The following SUPT3H variants were observed in gnomAD, a reference collection of about 807,000 sequenced individuals.
SUPT3H encodes the protein SPT3 homolog, SAGA and STAGA complex component, also known as transcription initiation protein SPT3 homolog.
A neutral mutation model predicts 44.3 loss-of-function variants in SUPT3H; 44 were observed. That is an observed-to-expected ratio of 0.99 (90% CI 0.78 to 1.28). The LOEUF (loss-of-function observed/expected upper bound fraction) is 1.28, where lower values mean the gene tolerates loss of function less well. SUPT3H is among the 50% of genes most tolerant of loss of function. The probability of loss-of-function intolerance (pLI) is 0.00; values close to 1 mark genes in which losing one functional copy is unlikely to be tolerated. For missense variants in SUPT3H, 380 were observed against 387.1 expected, an observed-to-expected ratio of 0.98 and a Z score of 0.15; for synonymous variants, 124 against 125.6, an observed-to-expected ratio of 0.99 and a Z score of 0.09.
At chr6:44,846,971 C>A (rs1479046090) in intron 10 of SUPT3H, among the ~76,000 whole-genome samples, 1 of 152,154 alleles carries the variant, frequency 6.6e-6, no homozygotes, top group Non-Finnish European at 1.5e-5. Flanking sequence ...ATTTCCACAT[C>A]AGGGATGGAG....
intron 2 of SUPT3H, among the ~76,000 whole-genome samples, chr6:45,218,638 G>A (rs1484806853): frequency 2.0e-5 from 3 of 152,228 alleles, no homozygotes; most frequent in Non-Finnish European, 4.4e-5. Flanking sequence ...GGAAGCTGAG[G>A]CAGGAGAATC....
intron 6 of SUPT3H, among the ~76,000 whole-genome samples, chr6:44,968,753 C>T (rs1471134771): frequency 1.3e-5 from 2 of 152,094 alleles, no homozygotes; most frequent in Non-Finnish European, 2.9e-5. Context: ...CTGTAGTAGG[C>T]TGTCCTGTGT....
intron 2 of SUPT3H, among the ~76,000 whole-genome samples, chr6:45,241,720 G>A (rs535664832): frequency 1.3e-5 from 2 of 152,206 alleles, no homozygotes; most frequent in South Asian, 2.1e-4. Flanking sequence ...GGTCATCAGT[G>A]AGAAAAGAGG....
intron 2 of SUPT3H, among the ~76,000 whole-genome samples, chr6:45,171,770 T>C (rs575154897): frequency 8.2e-6 from 1 of 121,748 alleles, no homozygotes; most frequent in East Asian, 2.6e-4. Flanking sequence ...CAGGCTGGAG[T>C]GCAGTGGTGT....
At chr6:44,936,446 T>C (rs906149719) in intron 9 of SUPT3H, among the ~76,000 whole-genome samples, 11 of 152,268 alleles carry the variant, frequency 7.2e-5, no homozygotes, top group African/African-American at 2.6e-4. Flanking sequence ...ATTTCTTGAG[T>C]AACATAGTTA....
At chr6:44,830,648 G>A (rs1025672294) in intron 10 of SUPT3H, among the ~76,000 whole-genome samples, 5 of 152,152 alleles carry the variant, frequency 3.3e-5, no homozygotes, top group African/African-American at 1.2e-4. Context: ...AAGACCCAGA[G>A]GGGAGCAGAA....
intron 7 of SUPT3H, among the ~76,000 whole-genome samples, chr6:44,954,938 TACA>T (rs1210799801): frequency 4.6e-5 from 7 of 152,352 alleles, no homozygotes; most frequent in African/African-American, 1.2e-4. Context: ...CCGCTCATGT[TACA>T]ACAAGAAGTC....
intron 10 of SUPT3H, among the ~76,000 whole-genome samples, chr6:44,901,383 C>T (rs1347007064): frequency 2.0e-5 from 3 of 152,142 alleles, no homozygotes; most frequent in Admixed American, 2.0e-4. Context: ...AATGCACAAG[C>T]CTCAGTAGCC....
intron 2 of SUPT3H, among the ~76,000 whole-genome samples, chr6:45,310,192 G>A (rs1047618535): frequency 3.3e-5 from 5 of 152,076 alleles, no homozygotes; most frequent in Admixed American, 6.5e-5. Context: ...TGCATGACTC[G>A]GCAGAGGCAG....
chr6:44,888,628 A>G (rs538523590), intron 10 of SUPT3H, among the ~76,000 whole-genome samples: 253 of 152,264 alleles, frequency 1.7e-3, no homozygotes, highest in Non-Finnish European at 3.1e-3. Flanking sequence ...AAATAACAAG[A>G]GCTATCTATG....
At chr6:44,891,185 T>C (rs1763259537) in intron 10 of SUPT3H, among the ~76,000 whole-genome samples, 1 of 152,088 alleles carries the variant, frequency 6.6e-6, no homozygotes, top group Non-Finnish European at 1.5e-5. Flanking sequence ...AATAAAATGG[T>C]ACAGCTGCTG....
chr6:45,015,818 C>CAT (rs1205990585), intron 4 of SUPT3H, among the ~76,000 whole-genome samples: 1 of 151,636 alleles, frequency 6.6e-6, no homozygotes, highest in African/African-American at 2.4e-5. Context: ...CACACACACA[C>CAT]GCCTATGCCT....
intron 6 of SUPT3H, among the ~76,000 whole-genome samples, chr6:44,989,845 GGTT>G (rs1452442663): frequency 1.3e-5 from 2 of 151,588 alleles, no homozygotes; most frequent in Non-Finnish European, 1.5e-5. Flanking sequence ...TTTTTAATTG[GGTT>G]GTTATTTTGC....
At chr6:44,821,266 C>T (rs767007439) in intron 11 of SUPT3H, among the ~76,000 whole-genome samples, 1 of 152,212 alleles carries the variant, frequency 6.6e-6, no homozygotes, top group Non-Finnish European at 1.5e-5. Flanking sequence ...GCACAGCTAA[C>T]ATCCATCTAC....
At chr6:44,923,736 C>T (rs1769087937) in intron 10 of SUPT3H, among the ~76,000 whole-genome samples, 1 of 151,964 alleles carries the variant, frequency 6.6e-6, no homozygotes, top group African/African-American at 2.4e-5. Flanking sequence ...AACAAATGTA[C>T]TGGCTGCCCC....
chr6:44,905,132 A>G (rs1336634066), intron 10 of SUPT3H, among the ~76,000 whole-genome samples: 2 of 152,130 alleles, frequency 1.3e-5, no homozygotes, highest in Non-Finnish European at 2.9e-5. Context: ...TGTCTAAAAC[A>G]CCAAAAGCAA....
intron 2 of SUPT3H, among the ~76,000 whole-genome samples, chr6:45,106,702 A>G (rs1799337838): frequency 6.6e-6 from 1 of 151,948 alleles, no homozygotes; most frequent in South Asian, 2.1e-4. Context: ...ACACCTGGCT[A>G]ATTTTTTATT....
intron 10 of SUPT3H, among the ~76,000 whole-genome samples, chr6:44,851,411 G>A (rs1772863480): frequency 6.6e-6 from 1 of 152,134 alleles, no homozygotes; most frequent in South Asian, 2.1e-4. Context: ...AATTATGGTT[G>A]GCAGAACAGA....
intron 11 of SUPT3H, among the ~76,000 whole-genome samples, chr6:44,811,191 GAT>G (rs918413958): frequency 5.1e-4 from 77 of 152,296 alleles, no homozygotes; most frequent in African/African-American, 1.8e-3. Context: ...TCTTGGCTAT[GAT>G]AGTTTCTCAG....
Sources: allele counts gnomAD v4.1 joint callset (sites outside exome capture counted in the v4.1 genomes callset), GRCh38; gene constraint gnomAD v4.1.1; transcripts MANE v1.5; gene names NCBI Gene and HGNC (gene_info 2026-07-23, HGNC 2026-07-21).